Variants in CAMTA1 observed in about 807,000 individuals in gnomAD.
CAMTA1 encodes calmodulin-binding transcription activator 1.
Under a neutral mutation model 170.9 loss-of-function variants are expected in CAMTA1, and 27 were observed. That is an observed-to-expected ratio of 0.16 (90% CI 0.12 to 0.22). The LOEUF (loss-of-function observed/expected upper bound fraction) is 0.22. CAMTA1 is among the 10% of genes least tolerant of loss of function. The probability of loss-of-function intolerance (pLI) is 1.00; values close to 1 mark genes in which losing one functional copy is unlikely to be tolerated. For missense variants in CAMTA1, 1,619 were observed against 2,217.2 expected (o/e 0.73, Z 5.42); for synonymous variants, 833 against 891.5 (o/e 0.93, Z 1.17).
intron 4 of CAMTA1, among the ~76,000 whole-genome samples, chr1:7,166,046 G>A (rs190479057): frequency 3.4e-5 from 5 of 148,050 alleles, no homozygotes; most frequent in East Asian, 2.0e-4. Flanking sequence ...CTCTCTAAGC[G>A]GGGGGGTGTG....
chr1:7,641,911 G>A lies in CAMTA1; in HGVS notation c.664+1358G>A, dbSNP rs1313206343. Among the ~76,000 whole-genome samples the A allele has an allele frequency of 1.3e-5, 2 of 152,092 alleles. No individual in the cohort carries two copies. Among genetic ancestry groups the A allele is most frequent in the African/African-American group, 2.4e-5 (1 of 41,396 alleles). On this transcript the variant is annotated intron_variant, in intron 7 of 22. Coordinates refer to ENST00000303635, the MANE Select transcript of CAMTA1 (RefSeq NM_015215.4). This position sits in a 1 kb window ranked among gnomAD's most constrained non-coding sequence, Gnocchi z 4.5. ...ACCACTCAATGCCCATTCAATGCAC[G>A]CTCAATGCCCAAGCTCCTGAGCACA...
chr1:6,902,704 C>G (rs1027551130), intron 3 of CAMTA1, among the ~76,000 whole-genome samples: 1 of 152,096 alleles, frequency 6.6e-6, no homozygotes, highest in African/African-American at 2.4e-5. Flanking sequence ...ATACACATGG[C>G]CAATAAGCAT....
intron 6 of CAMTA1, among the ~76,000 whole-genome samples, chr1:7,506,588 C>A (rs2094115729): frequency 6.6e-6 from 1 of 152,110 alleles, no homozygotes; most frequent in African/African-American, 2.4e-5. Context: ...CGCACACTCA[C>A]ACGCTCACAC....
At chr1:7,081,118 G>C (rs1305544005) in intron 3 of CAMTA1, among the ~76,000 whole-genome samples, 1 of 152,244 alleles carries the variant, frequency 6.6e-6, no homozygotes, top group Non-Finnish European at 1.5e-5. Context: ...AATTAGAACA[G>C]AGCTGGTCTA....
Position 7,125,273 on chromosome 1 carries a change from A to C in CAMTA1, c.302+33902A>C, listed in dbSNP as rs1026236923. Among the ~76,000 whole-genome samples the C allele has an allele frequency of 2.6e-5, 4 of 152,266 alleles. No individual in the cohort carries two copies. In the East Asian group the frequency reaches 7.7e-4, roughly 29 times the overall value. On this transcript the variant is annotated intron_variant, in intron 4 of 22. Transcript: ENST00000303635. ...GGACACTAGAAGTTCAAATGGATCT[A>C]AGGGAGCAGACTGTATTCATTCATT...
rs141927173 is a variant in CAMTA1, at chr1:7,091,480, A to G, written c.302+109A>G. 3.6e-5 allele frequency: 30 copies of G among 827,566 alleles called. No individual in the cohort carries two copies. The East Asian group carries it at 5.5e-4, about 15-fold the overall frequency. 51.3% of individuals were successfully genotyped at this position (827,566 alleles called of 1,614,324 possible). ...TCATGGGCAACGAGTTGAAAATGCC[A>G]TGTTGTGCTGGATGGCTTTCGACAC... is the stretch of plus-strand genomic sequence containing the variant. On this transcript the variant is annotated intron_variant, in intron 4 of 22. Transcript: ENST00000303635.
At chr1:6,792,342 GTT>G (rs75615458) in intron 1 of CAMTA1, among the ~76,000 whole-genome samples, 37 of 133,900 alleles carry the variant, frequency 2.8e-4, no homozygotes, top group Admixed American at 3.0e-4. Flanking sequence ...GTGGTTTTGG[GTT>G]TTTTTTTTTT....
chr1:7,059,575 A>G (rs1707895080), intron 3 of CAMTA1, among the ~76,000 whole-genome samples: 1 of 152,130 alleles, frequency 6.6e-6, no homozygotes, highest in Non-Finnish European at 1.5e-5. Context: ...AACTATGATC[A>G]TGCCACTGCA....
rs2097043209 is a variant in CAMTA1, at chr1:7,769,452, C to G, written c.*2961C>G. 6.5e-6 allele frequency: 1 copy of G among 152,718 alleles called. No homozygotes were observed. The highest frequency in any genetic ancestry group is 2.1e-4 in the South Asian group (1 of 4,822). The allele number at this position is 152,718 out of a possible 1,614,324, so 9.5% of individuals were successfully genotyped here. A position where few individuals can be genotyped will look rare whatever the true frequency, so the allele number is the denominator to read the frequency against. On this transcript the variant is annotated 3_prime_UTR_variant, in exon 23 of 23. Transcript: ENST00000303635. ...GGCTGCACGGTCGCTTATGGCAGTT[C>G]CACACAGTAGTTGGCGCCCAATGGG...
At chr1:7,318,996 G>C (rs1484380344) in intron 5 of CAMTA1, among the ~76,000 whole-genome samples, 5 of 152,200 alleles carry the variant, frequency 3.3e-5, no homozygotes, top group African/African-American at 1.2e-4. Context: ...TGAATTGTGG[G>C]TAATGTTCAT....
At chr1:7,283,257 ATAT>A (rs1194097677) in intron 5 of CAMTA1, among the ~76,000 whole-genome samples, 1 of 152,010 alleles carries the variant, frequency 6.6e-6, no homozygotes, top group Non-Finnish European at 1.5e-5. Flanking sequence ...TTTCCACATA[ATAT>A]TATGTTGTGC....
At position 6,971,307 on chromosome 1, in the gene CAMTA1, T is replaced by G. The variant is rs1692498852; in HGVS notation, c.235-119997T>G. ...CCTCTTTTGCTGGAGTGTTGAACTTTCTTCTTTGTGGCAGCACGCTTATAA... is the reference window on the plus strand; with the variant it reads ...CCTCTTTTGCTGGAGTGTTGAACTTGCTTCTTTGTGGCAGCACGCTTATAA... On this transcript the variant is annotated intron_variant, in intron 3 of 22. Transcript: ENST00000303635. This position sits in a 1 kb window ranked among gnomAD's most constrained non-coding sequence, Gnocchi z 4.6. Among the ~76,000 whole-genome samples the G allele has an allele frequency of 6.6e-6, 1 of 152,190 alleles. No homozygotes were observed. The highest frequency in any genetic ancestry group is 1.5e-5 in the Non-Finnish European group (1 of 68,024).
intron 5 of CAMTA1, among the ~76,000 whole-genome samples, chr1:7,448,231 A>G (rs373826868): frequency 6.6e-6 from 1 of 152,162 alleles, no homozygotes; most frequent in East Asian, 1.9e-4. Context: ...AGGCATGGAC[A>G]TGGAGTGGGG....
intron 11 of CAMTA1, among the ~76,000 whole-genome samples, chr1:7,714,444 A>C (rs1157796730): frequency 6.6e-6 from 1 of 152,198 alleles, no homozygotes; most frequent in African/African-American, 2.4e-5. Flanking sequence ...GGTGTTCCTT[A>C]ATACCAAACA....
chr1:7,181,368 A>T (rs909906546), intron 4 of CAMTA1, among the ~76,000 whole-genome samples: 2 of 152,322 alleles, frequency 1.3e-5, no homozygotes, highest in Non-Finnish European at 2.9e-5. Context: ...ACTATCCCAC[A>T]ATTGTACTGG....
chr1:7,468,499 C>T (rs1248135210), intron 6 of CAMTA1, among the ~76,000 whole-genome samples: 1 of 152,210 alleles, frequency 6.6e-6, no homozygotes, highest in African/African-American at 2.4e-5. Flanking sequence ...GTTGCTGAAC[C>T]AGGGGTGGGT....
intron 3 of CAMTA1, among the ~76,000 whole-genome samples, chr1:6,840,759 G>C (rs891724051): frequency 1.4e-4 from 21 of 152,180 alleles, no homozygotes; most frequent in Non-Finnish European, 2.9e-5. Context: ...ACTAAGCCCC[G>C]AGCAGTGCAG....
chr1:7,513,713 G>A (rs1301220598), intron 6 of CAMTA1, among the ~76,000 whole-genome samples: 1 of 152,040 alleles, frequency 6.6e-6, no homozygotes, highest in Non-Finnish European at 1.5e-5. Context: ...ACCTGAGGTC[G>A]GGATATTGAG....
intron 3 of CAMTA1, among the ~76,000 whole-genome samples, chr1:6,917,303 C>T (rs550149807): frequency 6.6e-6 from 1 of 152,014 alleles, no homozygotes; most frequent in South Asian, 2.1e-4. Context: ...GGATGCAGGG[C>T]CTGGTAAGCC....
Sources: gnomAD v4.1 joint callset for allele counts (sites outside exome capture counted in the v4.1 genomes callset) on GRCh38, gnomAD v4.1.1 for gene constraint, Gnocchi (gnomAD v3.1) non-coding constraint, MANE v1.5 for transcripts, NCBI Gene and HGNC (gene_info 2026-07-23, HGNC 2026-07-21) for gene names.